Variants in USP28 observed in about 807,000 individuals in gnomAD.
USP28 encodes the protein ubiquitin carboxyl-terminal hydrolase 28.
USP28 carries 113 observed loss-of-function variants against 145.0 expected under a neutral mutation model. The ratio of observed to expected loss-of-function variants is 0.78; its 90% CI spans 0.67 to 0.91. USP28 has a LOEUF of 0.91. USP28 is among the 40% of genes least tolerant of loss of function. The pLI is 0.00. For missense variants in USP28, 1,201 were observed against 1,289.6 expected (o/e 0.93, Z 1.05); for synonymous variants, 447 against 450.9 (o/e 0.99, Z 0.11).
At chr11:113,801,407 C>T (rs1464679610) in intron 24 of USP28, 76 bp downstream of exon 25, 2 of 1,191,430 alleles carry the variant, frequency 1.7e-6, no homozygotes, top group Non-Finnish European at 2.3e-6. Context: ...GGTTTGGCAA[C>T]CAGTGCTATC....
chr11:113,851,895 TTAA>T (rs1189666612), intron 3 of USP28, among the ~76,000 whole-genome samples: 1 of 152,172 alleles, frequency 6.6e-6, no homozygotes, highest in Non-Finnish European at 1.5e-5. Flanking sequence ...TTCTAATATA[TTAA>T]TAATTTATTT....
chr11:113,872,261 C>T (rs113045295), intron 1 of USP28, among the ~76,000 whole-genome samples: 3 of 152,168 alleles, frequency 2.0e-5, no homozygotes, highest in African/African-American at 4.8e-5. Context: ...CCGAGGCGGG[C>T]GGATCATGAG....
At position 113,815,393 on chromosome 11, in the gene USP28, C is replaced by T. The variant is rs765744095; in HGVS notation, c.1464-11G>A. ...CTTTCTGTACTTGTACTGAGGAAGA[C>T]AAAAATCATGCTCATATGATAATTT... On this transcript the variant is annotated splice_polypyrimidine_tract_variant and intron_variant, in intron 13 of 24. Coordinates refer to ENST00000003302, the Ensembl canonical transcript of USP28. The T allele has an allele frequency of 1.2e-6, 2 of 1,606,748 alleles. No individual in the cohort carries two copies. The highest frequency in any genetic ancestry group is 1.7e-5 in the Admixed American group (1 of 58,710).
chr11:113,831,394 C>G (rs1039870507), intron 8 of USP28, among the ~76,000 whole-genome samples: 4 of 152,198 alleles, frequency 2.6e-5, no homozygotes, highest in Non-Finnish European at 5.9e-5. Context: ...TAAATTGCTA[C>G]GTTGAGTTGC....
intron 1 of USP28, among the ~76,000 whole-genome samples, chr11:113,855,346 A>C (rs942364917): frequency 2.6e-5 from 4 of 151,120 alleles, no homozygotes; most frequent in Non-Finnish European, 5.9e-5. Flanking sequence ...AGTACAGCTC[A>C]ATCTAAACAA....
intron 1 of USP28, among the ~76,000 whole-genome samples, chr11:113,856,642 AG>A (rs1947077916): frequency 6.6e-6 from 1 of 152,222 alleles, no homozygotes; most frequent in Non-Finnish European, 1.5e-5. Context: ...GAAGACAAAA[AG>A]ATAGGCAAGA....
At chr11:113,799,251 T>A in exon 25 of USP28, 1 of 1,612,838 alleles carries the variant, frequency 6.2e-7, no homozygotes, top group Non-Finnish European at 8.5e-7. Context: ...TATTTCACTG[T>A]CACAGTTGAA....
At chr11:113,832,134 G>GA in intron 7 of USP28, 141 bp from the exon 8 acceptor site, 1 of 743,636 alleles carries the variant, frequency 1.3e-6, no homozygotes, top group Non-Finnish European at 2.2e-6. Context: ...TTTTGAGACA[G>GA]GGTCTCACTC....
At chr11:113,820,379 T>G (rs1014852276) in intron 12 of USP28, 2 of 151,822 alleles carry the variant, frequency 1.3e-5, no homozygotes, top group Middle Eastern at 3.4e-3. Flanking sequence ...AAAGCAGAGG[T>G]TGTGTTAGGA....
chr11:113,831,479 G>A (rs746030617), intron 8 of USP28, among the ~76,000 whole-genome samples: 6 of 152,116 alleles, frequency 3.9e-5, no homozygotes, highest in Admixed American at 6.5e-5. Flanking sequence ...ATTTCTCAGA[G>A]GGATATCCGT....
Position 113,799,420 on chromosome 11 carries a change from G to A in USP28, c.3059-5C>T. The A allele has an allele frequency of 6.2e-7, 1 of 1,610,310 alleles. No individual in the cohort carries two copies. Among genetic ancestry groups the A allele is most frequent in the East Asian group, 2.2e-5 (1 of 44,874 alleles). ...CTAGGCACAGCTGCAGATTTTCTGT[G>A]GAGGGAAAACAGATGGTTACATATA... is the stretch of plus-strand genomic sequence containing the variant. On this transcript the variant is annotated splice_polypyrimidine_tract_variant and splice_region_variant and intron_variant, in intron 24 of 24. Transcript: ENST00000003302.
intron 24 of USP28, among the ~76,000 whole-genome samples, chr11:113,800,387 C>T (rs182117827): frequency 2.6e-5 from 4 of 152,180 alleles, no homozygotes; most frequent in African/African-American, 7.2e-5. Flanking sequence ...ACTGTAGCCT[C>T]GGCCTCCCAG....
chr11:113,798,759 T>C (rs1938400711), exon 25 of USP28: 1 of 152,604 alleles, frequency 6.6e-6, no homozygotes, highest in South Asian at 2.1e-4. Flanking sequence ...CCCATTTTGT[T>C]ATCTCCTGGC....
rs191395088 is a variant in USP28 at position 113,802,884 on chromosome 11, G to A, written c.2862+274C>T. Among the ~76,000 whole-genome samples the A allele has an allele frequency of 8.5e-5, 13 of 152,280 alleles. No individual in the cohort carries two copies. In the East Asian group the frequency reaches 2.3e-3, roughly 27 times the overall value. ...ATTTACAACCTAGTAGGAAAGCAAT[G>A]TGATAAAATCTATAATGCAGGCATA... On this transcript the variant is annotated intron_variant, in intron 23 of 24. Coordinates refer to ENST00000003302, the Ensembl canonical transcript of USP28.
chr11:113,863,558 T>C (rs767959478), intron 1 of USP28, among the ~76,000 whole-genome samples: 15 of 150,756 alleles, frequency 9.9e-5, no homozygotes, highest in South Asian at 2.1e-4. Context: ...AGTGGGAGGA[T>C]TGCTTGAGCC....
intron 14 of USP28, 68 bp downstream of exon 14, chr11:113,815,106 G>C (rs916049796): frequency 3.4e-5 from 48 of 1,409,384 alleles, no homozygotes; most frequent in Non-Finnish European, 4.7e-5. Flanking sequence ...GTACCGAGGT[G>C]CTTAACCTCC....
chr11:113,834,209 G>A (rs746396683), intron 6 of USP28, 40 bp downstream of exon 6: 2 of 1,500,132 alleles, frequency 1.3e-6, no homozygotes, highest in Admixed American at 3.5e-5. Flanking sequence ...GGATGAAAGG[G>A]ACTAAACAAC....
intron 23 of USP28, among the ~76,000 whole-genome samples, chr11:113,802,038 G>A (rs960445351): frequency 6.6e-6 from 1 of 152,158 alleles, no homozygotes; most frequent in African/African-American, 2.4e-5. Context: ...ACACACTGAT[G>A]CCCAGGGCCC....
chr11:113,871,500 C>T (rs905408256), intron 1 of USP28, among the ~76,000 whole-genome samples: 1 of 152,182 alleles, frequency 6.6e-6, no homozygotes, highest in African/African-American at 2.4e-5. Flanking sequence ...CCGGCTTCTA[C>T]GCACTACATT....
Sources: allele counts gnomAD v4.1 joint callset (sites outside exome capture counted in the v4.1 genomes callset), GRCh38; gene constraint gnomAD v4.1.1; transcripts MANE v1.5; gene names NCBI Gene and HGNC (gene_info 2026-07-23, HGNC 2026-07-21).